The following KDM4C variants were observed in gnomAD, a reference collection of about 807,000 sequenced individuals.
The protein encoded by KDM4C is lysine demethylase 4C.
A neutral mutation model predicts 129.3 loss-of-function variants in KDM4C; 81 were observed. The observed-to-expected ratio is 0.63, with a 90% confidence interval of 0.52 to 0.75. The LOEUF is 0.75. KDM4C is among the 30% of genes least tolerant of loss of function. The pLI, the probability that KDM4C is intolerant of heterozygous loss-of-function variation, is 0.00. For missense variants in KDM4C, 1,457 were observed against 1,304.0 expected (o/e 1.12, Z -1.81); for synonymous variants, 573 against 456.1 (o/e 1.26, Z -3.26).
chr9:6,880,370 A>G (rs1323599265), intron 6 of KDM4C, among the ~76,000 whole-genome samples: 1 of 152,196 alleles, frequency 6.6e-6, no homozygotes, highest in Non-Finnish European at 1.5e-5. Flanking sequence ...AATGTAATGC[A>G]TTCAACGTCA....
At chr9:6,966,853 G>T (rs1831063919) in intron 8 of KDM4C, among the ~76,000 whole-genome samples, 1 of 152,162 alleles carries the variant, frequency 6.6e-6, no homozygotes, top group East Asian at 1.9e-4. Context: ...GAAAATATAG[G>T]GGACAGAGCT....
At chr9:6,910,246 A>G (rs1245974010) in intron 8 of KDM4C, among the ~76,000 whole-genome samples, 1 of 152,184 alleles carries the variant, frequency 6.6e-6, no homozygotes, top group Non-Finnish European at 1.5e-5. Context: ...ACATTAATAT[A>G]TAAAGAAATT....
At chr9:7,036,552 C>A (rs944053669) in intron 15 of KDM4C, among the ~76,000 whole-genome samples, 25 of 152,040 alleles carry the variant, frequency 1.6e-4, no homozygotes, top group African/African-American at 5.6e-4. Flanking sequence ...ATTTTCTGTT[C>A]TTCTGTTCTC....
At chr9:6,954,804 C>A (rs1828781776) in intron 8 of KDM4C, among the ~76,000 whole-genome samples, 1 of 152,186 alleles carries the variant, frequency 6.6e-6, no homozygotes, top group Admixed American at 6.5e-5. Flanking sequence ...TGTACCCACT[C>A]CCTATTTCAT....
intron 12 of KDM4C, among the ~76,000 whole-genome samples, chr9:7,008,280 A>C (rs1223362702): frequency 6.6e-6 from 1 of 152,120 alleles, no homozygotes. Flanking sequence ...CTGCAGACTG[A>C]GCCTCCAGGA....
chr9:7,116,258 C>G (rs7019191), intron 18 of KDM4C, among the ~76,000 whole-genome samples: 5,263 of 152,214 alleles, frequency 0.035, 264 homozygotes, highest in African/African-American at 0.12. Context: ...GTTTGTTCAC[C>G]TTTCCCCATA....
At chr9:7,119,001 T>A (rs1839216523) in intron 18 of KDM4C, among the ~76,000 whole-genome samples, 1 of 152,170 alleles carries the variant, frequency 6.6e-6, no homozygotes, top group African/African-American at 2.4e-5. Context: ...CCCTAGAGAT[T>A]AACTGTTTTC....
chr9:6,845,716 G>A (rs1837742814), intron 4 of KDM4C, among the ~76,000 whole-genome samples: 1 of 152,224 alleles, frequency 6.6e-6, no homozygotes, highest in Non-Finnish European at 1.5e-5. Context: ...TGGCATGAAA[G>A]GAGAAAGGGG....
At chr9:6,781,432 A>G (rs1824318374) in intron 1 of KDM4C, among the ~76,000 whole-genome samples, 1 of 152,086 alleles carries the variant, frequency 6.6e-6, no homozygotes, top group South Asian at 2.1e-4. Flanking sequence ...TTGATTTATT[A>G]ACATTAAATT....
intron 17 of KDM4C, among the ~76,000 whole-genome samples, chr9:7,088,402 T>C (rs886339377): frequency 1.4e-4 from 21 of 152,348 alleles, no homozygotes; most frequent in Non-Finnish European, 2.8e-4. Context: ...TTACAGTTCT[T>C]TATTACATTT....
chr9:6,923,638 G>A (rs569796793), intron 8 of KDM4C, among the ~76,000 whole-genome samples: 7 of 152,352 alleles, frequency 4.6e-5, no homozygotes, highest in African/African-American at 1.7e-4. Context: ...AAGTTCTTCA[G>A]AGTCTTGTGG....
chr9:6,895,604 A>G (rs1483202401), intron 8 of KDM4C, among the ~76,000 whole-genome samples: 1 of 152,120 alleles, frequency 6.6e-6, no homozygotes, highest in Non-Finnish European at 1.5e-5. Context: ...TCATTGACAT[A>G]TTTAGAATCT....
intron 15 of KDM4C, among the ~76,000 whole-genome samples, chr9:7,026,697 C>A (rs1300660803): frequency 2.0e-5 from 3 of 152,098 alleles, no homozygotes; most frequent in African/African-American, 4.8e-5. Flanking sequence ...TGTTTCTCTG[C>A]CTCTGCGTTA....
chr9:7,121,378 A>G (rs182662205), intron 18 of KDM4C, among the ~76,000 whole-genome samples: 112 of 152,170 alleles, frequency 7.4e-4, no homozygotes, highest in Non-Finnish European at 1.2e-3. Flanking sequence ...TGAGGTTCTT[A>G]GAGAGAAAGC....
At chr9:7,125,277 C>A (rs576159730) in intron 18 of KDM4C, among the ~76,000 whole-genome samples, 4 of 152,202 alleles carry the variant, frequency 2.6e-5, no homozygotes, top group African/African-American at 9.7e-5. Context: ...TGATTGTGTT[C>A]TTCCCCTAAT....
intron 8 of KDM4C, among the ~76,000 whole-genome samples, chr9:6,914,324 G>A (rs1211427401): frequency 2.0e-5 from 3 of 152,166 alleles, no homozygotes; most frequent in African/African-American, 7.2e-5. Flanking sequence ...CTCCCAAAGT[G>A]CTGGGATTAC....
rs537331120 is a variant in KDM4C at position 6,810,172 on chromosome 9, A to G, written c.320+4398A>G. Among the ~76,000 whole-genome samples the G allele has an allele frequency of 4.6e-5, 7 of 152,292 alleles. No individual in the cohort carries two copies. The South Asian group carries it at 1.2e-3, about 27-fold the overall frequency. ...GCCCATTTGATTATTTCAGCATGGT[A>G]TCGGTTTTCTACTTCAAGATAATTT... On this transcript the variant is annotated intron_variant, in intron 3 of 21. Coordinates refer to ENST00000381309, the MANE Select transcript of KDM4C (RefSeq NM_015061.6).
chr9:7,158,840 G>A (rs772632594), intron 19 of KDM4C, among the ~76,000 whole-genome samples: 5 of 152,204 alleles, frequency 3.3e-5, no homozygotes, highest in Non-Finnish European at 7.3e-5. Flanking sequence ...GGAGAGTCCT[G>A]TAGATGTCTT....
At chr9:6,838,406 A>G (rs1453480205) in intron 4 of KDM4C, among the ~76,000 whole-genome samples, 2 of 152,114 alleles carry the variant, frequency 1.3e-5, no homozygotes, top group Admixed American at 1.3e-4. Flanking sequence ...TAAATGTATG[A>G]TTCTTTTCTC....
Sources: allele counts gnomAD v4.1 joint callset (sites outside exome capture counted in the v4.1 genomes callset), GRCh38; gene constraint gnomAD v4.1.1; transcripts MANE v1.5; gene names NCBI Gene and HGNC (gene_info 2026-07-23, HGNC 2026-07-21).